Variants in RGS6 observed in about 807,000 individuals in gnomAD.
RGS6 encodes regulator of G-protein signaling 6.
In RGS6, 30 loss-of-function variants were observed where a neutral mutation model predicts 78.5. The observed-to-expected ratio is 0.38, with a 90% CI of 0.29 to 0.52. RGS6 has a LOEUF of 0.52. RGS6 is among the 20% of genes least tolerant of loss of function. The pLI is 0.85. For missense variants in RGS6, 495 were observed against 609.7 expected (o/e 0.81, Z 1.98); for synonymous variants, 206 against 206.0 (o/e 1.00, Z 0.00).
chr14:72,031,972 A>T (rs2090970178), intron 2 of RGS6, among the ~76,000 whole-genome samples: 1 of 152,176 alleles, frequency 6.6e-6, no homozygotes. Flanking sequence ...TGGTATAGTC[A>T]CCATTCCTCC....
At chr14:71,891,796 TAGC>T in the RGS6 span, among the ~76,000 whole-genome samples, 1 of 152,182 alleles carries the variant, frequency 6.6e-6, no homozygotes, top group African/African-American at 2.4e-5. Flanking sequence ...GATATCCACT[TAGC>T]AGACTGTCTT....
At chr14:72,007,861 G>A (rs2084886654) in intron 2 of RGS6, among the ~76,000 whole-genome samples, 1 of 152,164 alleles carries the variant, frequency 6.6e-6, no homozygotes, top group East Asian at 1.9e-4. Context: ...TTGAAAGGGG[G>A]TTGTGCTTGA....
At chr14:71,902,650 T>C in the RGS6 span, among the ~76,000 whole-genome samples, 113 of 151,608 alleles carry the variant, frequency 7.5e-4, no homozygotes, top group African/African-American at 2.5e-3. Flanking sequence ...TTTGGCAAAA[T>C]GGATATAGTT....
At chr14:72,387,598 T>C (rs1004847100) in intron 3 of RGS6, among the ~76,000 whole-genome samples, 3 of 151,236 alleles carry the variant, frequency 2.0e-5, no homozygotes, top group African/African-American at 7.3e-5. Context: ...AGACACAGAG[T>C]TATATATTGT....
intron 12 of RGS6, among the ~76,000 whole-genome samples, chr14:72,488,677 G>A (rs908120257): frequency 3.3e-5 from 5 of 152,166 alleles, no homozygotes; most frequent in African/African-American, 1.2e-4. Flanking sequence ...ATAGGCAGCT[G>A]GAGCCTGCAG....
intron 2 of RGS6, among the ~76,000 whole-genome samples, chr14:72,252,726 G>A (rs898938474): frequency 3.9e-5 from 6 of 152,168 alleles, no homozygotes; most frequent in Admixed American, 3.9e-4. Context: ...CATGATGGGG[G>A]GAGGGGTGAT....
At chr14:71,982,250 C>A (rs1017522579) in intron 2 of RGS6, among the ~76,000 whole-genome samples, 1 of 152,182 alleles carries the variant, frequency 6.6e-6, no homozygotes, top group Non-Finnish European at 1.5e-5. Flanking sequence ...CCGTCTTCTG[C>A]GTCGCTCAGG....
intron 17 of RGS6, among the ~76,000 whole-genome samples, chr14:72,544,450 T>C (rs975336693): frequency 6.6e-6 from 1 of 151,864 alleles, no homozygotes; most frequent in East Asian, 1.9e-4. Context: ...GCTCCAAAGA[T>C]AGATAGATAG....
At chr14:72,215,701 G>C (rs1470907909) in intron 2 of RGS6, among the ~76,000 whole-genome samples, 1 of 152,146 alleles carries the variant, frequency 6.6e-6, no homozygotes, top group Non-Finnish European at 1.5e-5. Context: ...TGCCGAGAAA[G>C]GTAAAAACAC....
chr14:72,547,404 A>G, intron 17 of RGS6: 1 of 1,188,664 alleles, frequency 8.4e-7, no homozygotes, highest in East Asian at 3.2e-5. Flanking sequence ...GTCCCCCCAA[A>G]ATGAGCTCCT....
chr14:72,062,106 T>C lies in RGS6; in HGVS notation c.84+97231T>C, dbSNP rs887257506. On this transcript the variant is annotated intron_variant, in intron 2 of 17. Coordinates refer to ENST00000553525, the MANE Select transcript of RGS6 (RefSeq NM_001204424.2). ...ACAGTGCAAGGTGTGTGATCTCACATAGAGTGGTCAGGAAAGGCTGCTTTC... is the reference window on the plus strand; with the variant it reads ...ACAGTGCAAGGTGTGTGATCTCACACAGAGTGGTCAGGAAAGGCTGCTTTC... Among the ~76,000 whole-genome samples, 7 of 152,270 alleles carry C rather than the reference T, an allele frequency of 4.6e-5. No homozygotes were observed. The East Asian group carries it at 1.4e-3, about 29-fold the overall frequency.
chr14:72,152,095 G>A (rs954874476), intron 2 of RGS6, among the ~76,000 whole-genome samples: 1 of 152,186 alleles, frequency 6.6e-6, no homozygotes, highest in Non-Finnish European at 1.5e-5. Flanking sequence ...CACAGGTAAA[G>A]TGACTGACAC....
At chr14:71,936,015 G>GATATAT (rs55686505) in intron 1 of RGS6, among the ~76,000 whole-genome samples, 1,907 of 63,742 alleles carry the variant, frequency 0.03, 103 homozygotes, top group African/African-American at 0.065. Flanking sequence ...GAACTAATAG[G>GATATAT]ATATATATAT....
At chr14:72,174,899 G>A (rs1373690964) in intron 2 of RGS6, among the ~76,000 whole-genome samples, 2 of 152,152 alleles carry the variant, frequency 1.3e-5, no homozygotes, top group Non-Finnish European at 2.9e-5. Context: ...TTCTCTACTG[G>A]CTATGAAATG....
At chr14:72,280,457 G>T (rs1245517775) in intron 2 of RGS6, among the ~76,000 whole-genome samples, 1 of 152,120 alleles carries the variant, frequency 6.6e-6, no homozygotes, top group East Asian at 1.9e-4. Flanking sequence ...TGGCCAATCT[G>T]GTCTAGCCTC....
the RGS6 span, among the ~76,000 whole-genome samples, chr14:72,592,704 G>T: frequency 6.6e-6 from 1 of 152,314 alleles, no homozygotes; most frequent in South Asian, 2.1e-4. Context: ...AGAGGTACCT[G>T]TCCCTCATCT....
At chr14:72,287,639 G>A (rs1249033679) in intron 2 of RGS6, among the ~76,000 whole-genome samples, 1 of 152,048 alleles carries the variant, frequency 6.6e-6, no homozygotes, top group Non-Finnish European at 1.5e-5. Context: ...TGTATTTTTA[G>A]TAGAGACGGA....
chr14:72,304,805 A>G (rs1567709699), intron 2 of RGS6, among the ~76,000 whole-genome samples: 1 of 152,124 alleles, frequency 6.6e-6, no homozygotes, highest in Non-Finnish European at 1.5e-5. Flanking sequence ...GCTTGAACCC[A>G]GGAGGTAGAG....
At chr14:72,010,995 C>T (rs752988302) in intron 2 of RGS6, among the ~76,000 whole-genome samples, 16 of 152,296 alleles carry the variant, frequency 1.1e-4, no homozygotes, top group Admixed American at 7.8e-4. Flanking sequence ...ATGGCAAAAC[C>T]GCAATACTTT....
Sources: allele counts gnomAD v4.1 joint callset (sites outside exome capture counted in the v4.1 genomes callset), GRCh38; gene constraint gnomAD v4.1.1; transcripts MANE v1.5; gene names NCBI Gene and HGNC (gene_info 2026-07-23, HGNC 2026-07-21).